ARL13B: variants seen among roughly 807,000 people sequenced by gnomAD.
The protein encoded by ARL13B is ADP-ribosylation factor-like protein 13B.
In ARL13B, 36 loss-of-function variants were observed where a neutral mutation model predicts 56.1. That is an observed-to-expected ratio of 0.64 (90% confidence interval 0.49 to 0.85). The LOEUF (loss-of-function observed/expected upper bound fraction) is 0.85, where lower values mean the gene tolerates loss of function less well. Ranked by LOEUF, ARL13B falls within the 40% of genes least tolerant of loss-of-function variation. The pLI is 0.00. For synonymous variants in ARL13B, 178 were observed against 171.1 expected (o/e 1.04, Z -0.32); for missense variants, 519 against 507.1 (o/e 1.02, Z -0.23).
intron 3 of ARL13B, among the ~76,000 whole-genome samples, chr3:94,025,707 C>A (rs1226769712): frequency 1.3e-5 from 2 of 152,132 alleles, no homozygotes; most frequent in Non-Finnish European, 2.9e-5. Context: ...GAGTTTGCCC[C>A]TTGTAGCCCA....
intron 2 of ARL13B, among the ~76,000 whole-genome samples, chr3:94,001,919 T>A (rs943531335): frequency 5.9e-5 from 9 of 152,224 alleles, no homozygotes; most frequent in Non-Finnish European, 8.8e-5. Flanking sequence ...AAAATCATTC[T>A]GCTTATATGT....
chr3:94,038,722 C>T (rs922467008), intron 5 of ARL13B, among the ~76,000 whole-genome samples: 3 of 151,874 alleles, frequency 2.0e-5, no homozygotes, highest in Non-Finnish European at 4.4e-5. Flanking sequence ...AGGGTTTCAC[C>T]ATGTTGATTA....
At chr3:93,996,305 A>G (rs1394773231) in intron 2 of ARL13B, among the ~76,000 whole-genome samples, 1 of 152,188 alleles carries the variant, frequency 6.6e-6, no homozygotes, top group Admixed American at 6.5e-5. Flanking sequence ...AGTTAGTCAC[A>G]TGCCTATGCT....
intron 2 of ARL13B, among the ~76,000 whole-genome samples, chr3:93,998,925 C>CTT (rs78985252): frequency 7.1e-6 from 1 of 141,390 alleles, no homozygotes; most frequent in Non-Finnish European, 1.5e-5. Context: ...TCTCAGCCTT[C>CTT]TTTTTTTTTT....
Position 94,054,971 on chromosome 3 carries a change from T to TA in ARL13B, c.*1709dup, listed in dbSNP as rs1333025256. On this transcript the variant is annotated 3_prime_UTR_variant, in exon 10 of 10. Transcript: ENST00000394222. Reference sequence around the variant, plus strand: ...ACTCATACTTTTGCTATCTTTTTAATATTTATCTCGTTTGGGAGTATACGT... The same window carrying TA: ...ACTCATACTTTTGCTATCTTTTTAATAATTTATCTCGTTTGGGAGTATACGT... 3.3e-6 allele frequency: 1 copy of TA among 300,982 alleles called. No individual in the cohort carries two copies. Among genetic ancestry groups the TA allele is most frequent in the Admixed American group, 4.6e-5 (1 of 21,674 alleles). 18.6% of individuals were successfully genotyped at this position (300,982 alleles called of 1,614,324 possible).
intron 2 of ARL13B, among the ~76,000 whole-genome samples, chr3:93,997,933 C>T (rs1180404755): frequency 1.3e-5 from 2 of 152,092 alleles, no homozygotes; most frequent in Non-Finnish European, 2.9e-5. Flanking sequence ...GTTGAGTGAG[C>T]TGGGATTGCG....
intron 9 of ARL13B, among the ~76,000 whole-genome samples, chr3:94,051,622 C>A (rs555256971): frequency 2.0e-5 from 3 of 151,928 alleles, no homozygotes; most frequent in Non-Finnish European, 4.4e-5. Flanking sequence ...TTCTAGAATG[C>A]AAAAGAATTA....
intron 3 of ARL13B, among the ~76,000 whole-genome samples, chr3:94,018,983 C>T (rs1348548458): frequency 6.6e-6 from 1 of 152,008 alleles, no homozygotes; most frequent in Non-Finnish European, 1.5e-5. Flanking sequence ...CCAGGCTGGT[C>T]GCAAACTCCT....
intron 1 of ARL13B, among the ~76,000 whole-genome samples, chr3:93,988,254 C>T (rs1245066980): frequency 6.9e-6 from 1 of 144,382 alleles, no homozygotes; most frequent in Non-Finnish European, 1.5e-5. Context: ...AAAAAAAAAA[C>T]ATGGCAATAG....
chr3:94,009,856 C>G (rs1000881283), intron 3 of ARL13B, among the ~76,000 whole-genome samples: 1 of 152,054 alleles, frequency 6.6e-6, no homozygotes, highest in Non-Finnish European at 1.5e-5. Flanking sequence ...GATTCTCAGC[C>G]AATTGATTTT....
At chr3:94,028,873 G>A (rs938195884) in intron 3 of ARL13B, among the ~76,000 whole-genome samples, 2 of 151,984 alleles carry the variant, frequency 1.3e-5, no homozygotes, top group African/African-American at 4.8e-5. Context: ...ATGAAAAGAA[G>A]CTTGGTGTAA....
At chr3:94,020,815 A>G (rs902339090) in intron 3 of ARL13B, among the ~76,000 whole-genome samples, 56 of 152,180 alleles carry the variant, frequency 3.7e-4, no homozygotes, top group Non-Finnish European at 2.4e-4. Flanking sequence ...CTTAATTCAA[A>G]TAGCCGGTAA....
At position 93,995,959 on chromosome 3, in the gene ARL13B, T is replaced by A; in HGVS notation, c.130+15T>A. Reference sequence around the variant, plus strand: ...AATCCAAGGAGGTAAGCTGAAAACATTTATGTGCTTTCTGAACTCTATTAA... The same window carrying A: ...AATCCAAGGAGGTAAGCTGAAAACAATTATGTGCTTTCTGAACTCTATTAA... On this transcript the variant is annotated intron_variant, in intron 2 of 9. Transcript: ENST00000394222. The A allele has an allele frequency of 6.2e-7, 1 of 1,609,494 alleles. No individual in the cohort carries two copies. The highest frequency in any genetic ancestry group is 8.5e-7 in the Non-Finnish European group (1 of 1,176,546).
chr3:94,003,846 G>C lies in ARL13B; in HGVS notation c.318G>C (p.Glu106Asp), dbSNP rs931170170. The C allele has an allele frequency of 1.2e-6, 2 of 1,613,712 alleles. No homozygotes were observed. Among genetic ancestry groups the C allele is most frequent in the Non-Finnish European group, 1.7e-6 (2 of 1,179,722 alleles). The change falls in exon 3 of 10, where the codon GAG (glutamate) becomes GAC (aspartate). Residue 106 changes from glutamate to aspartate, a missense_variant. Coordinates refer to ENST00000394222, the MANE Select transcript of ARL13B (RefSeq NM_001174150.2). ...VDSSDEERME[E>D]TKEAMSEMLR... ...CCAGTGATGAAGAGAGAATGGAAGA[G>C]ACAAAAGAGGCTATGTCAGAAATGC...
chr3:94,035,221 A>G, intron 3 of ARL13B, 110 bp from the exon 4 acceptor site: 1 of 767,896 alleles, frequency 1.3e-6, no homozygotes, highest in Non-Finnish European at 2.1e-6. Flanking sequence ...TGGGAAACAG[A>G]GCAAGACTCA....
intron 3 of ARL13B, 29 bp from the exon 4 acceptor site, chr3:94,035,302 T>C (rs753428884): frequency 2.2e-6 from 3 of 1,352,912 alleles, no homozygotes; most frequent in South Asian, 2.4e-5. Context: ...ATATATATGC[T>C]GTATAAAAGT....
intron 3 of ARL13B, among the ~76,000 whole-genome samples, chr3:94,021,202 T>A (rs950122502): frequency 3.4e-5 from 5 of 145,244 alleles, no homozygotes; most frequent in Admixed American, 1.4e-4. Context: ...ATATATATAA[T>A]TTTTTTTTTG....
chr3:94,053,332 A>G lies in ARL13B; in HGVS notation c.*69A>G. On this transcript the variant is annotated 3_prime_UTR_variant, in exon 10 of 10. Transcript: ENST00000394222. ...TGGGACATTCTTCTTTCTCAGAAGA[A>G]GAAACATCTTGTAAATTGATGACTG... The G allele has an allele frequency of 7.2e-7, 1 of 1,394,988 alleles. No individual in the cohort carries two copies. The highest frequency in any genetic ancestry group is 1.0e-6 in the Non-Finnish European group (1 of 985,862). The allele number at this position is 1,394,988 out of a possible 1,614,324, so 86.4% of individuals were successfully genotyped here.
At chr3:94,049,871 G>A (rs1282959673) in intron 8 of ARL13B, among the ~76,000 whole-genome samples, 5 of 151,656 alleles carry the variant, frequency 3.3e-5, no homozygotes, top group African/African-American at 4.9e-5. Flanking sequence ...ACATTGAACC[G>A]GCTCGGCATG....
Sources: allele counts gnomAD v4.1 joint callset (sites outside exome capture counted in the v4.1 genomes callset), GRCh38; gene constraint gnomAD v4.1.1; transcripts MANE v1.5; gene names NCBI Gene and HGNC (gene_info 2026-07-23, HGNC 2026-07-21).